INSL6: variants seen among roughly 807,000 people sequenced by gnomAD.
INSL6 encodes insulin like 6.
INSL6 carries 16 observed loss-of-function variants against 9.4 expected under a neutral mutation model. The ratio of observed to expected loss-of-function variants is 1.70; its 90% CI spans 1.15 to 2.59. The LOEUF (loss-of-function observed/expected upper bound fraction) is 2.59, where lower values mean the gene tolerates loss of function less well. INSL6 is among the 30% of genes most tolerant of loss of function. The pLI is 0.00. For synonymous variants in INSL6, 154 were observed against 96.9 expected (o/e 1.59, Z -3.46); for missense variants, 391 against 257.3 (o/e 1.52, Z -3.56).
At chr9:5,017,738 T>C in the INSL6 span, among the ~76,000 whole-genome samples, 1 of 152,250 alleles carries the variant, frequency 6.6e-6, no homozygotes, top group Non-Finnish European at 1.5e-5. Flanking sequence ...TAAAGTTGCA[T>C]ATCCAGTTGC....
downstream of INSL6, chr9:5,163,728 G>C: frequency 3.6e-6 from 2 of 555,838 alleles, no homozygotes; most frequent in East Asian, 3.0e-5. Flanking sequence ...TGAAAACTAA[G>C]GAAAACAACA....
chr9:5,162,461 T>C (rs1824947187), downstream of INSL6, among the ~76,000 whole-genome samples: 1 of 152,236 alleles, frequency 6.6e-6, no homozygotes, highest in African/African-American at 2.4e-5. Flanking sequence ...GTTGTGTGTA[T>C]ATAAGTAAGC....
At chr9:5,087,207 C>CAG in the INSL6 span, among the ~76,000 whole-genome samples, 1 of 152,102 alleles carries the variant, frequency 6.6e-6, no homozygotes, top group Admixed American at 6.6e-5. Flanking sequence ...TGACAGTTAC[C>CAG]CATGGCTGGG....
At chr9:5,019,698 C>G in the INSL6 span, among the ~76,000 whole-genome samples, 1 of 152,124 alleles carries the variant, frequency 6.6e-6, no homozygotes. Context: ...TAGGGTAGGA[C>G]TTTTTCCTGA....
the INSL6 span, among the ~76,000 whole-genome samples, chr9:5,105,452 A>G: frequency 2.6e-5 from 4 of 152,216 alleles, no homozygotes; most frequent in African/African-American, 4.8e-5. Flanking sequence ...ATGCTCATGG[A>G]TAGGAAGAAT....
chr9:5,140,324 T>C (rs893218253), intron 2 of INSL6, among the ~76,000 whole-genome samples: 1 of 152,086 alleles, frequency 6.6e-6, no homozygotes, highest in Non-Finnish European at 1.5e-5. Flanking sequence ...CCATCCCTAA[T>C]GTACCTAATC....
At chr9:5,096,945 T>G in the INSL6 span, 1 of 152,162 alleles carries the variant, frequency 6.6e-6, no homozygotes, top group South Asian at 2.1e-4. Context: ...TGATATGGCA[T>G]TTCCACGGAT....
chr9:5,182,463 T>C (rs1334392450), intron 1 of INSL6, among the ~76,000 whole-genome samples: 2 of 152,142 alleles, frequency 1.3e-5, no homozygotes, highest in Non-Finnish European at 2.9e-5. Context: ...AATTTACTTA[T>C]GTTAATTGTC....
At chr9:5,134,647 T>C (rs1044713933) in intron 2 of INSL6, among the ~76,000 whole-genome samples, 6 of 152,178 alleles carry the variant, frequency 3.9e-5, no homozygotes, top group South Asian at 2.1e-4. Flanking sequence ...CTGAGAGATT[T>C]TGTCACCATC....
intron 1 of INSL6, among the ~76,000 whole-genome samples, chr9:5,170,841 G>C (rs186816571): frequency 1.1e-4 from 17 of 152,208 alleles, no homozygotes. Context: ...AATTGAGGCA[G>C]TAATAAATAG....
At chr9:5,089,599 T>G in the INSL6 span, 6 of 492,630 alleles carry the variant, frequency 1.2e-5, no homozygotes, top group Non-Finnish European at 1.9e-5. Context: ...TAGAATTTTC[T>G]ATATAATTAT....
At chr9:5,172,735 C>A (rs745688782) in intron 1 of INSL6, among the ~76,000 whole-genome samples, 2 of 152,128 alleles carry the variant, frequency 1.3e-5, no homozygotes, top group African/African-American at 2.4e-5. Context: ...CGAGACCAGT[C>A]TGGCCAATGT....
chr9:5,042,808 G>A, the INSL6 span, among the ~76,000 whole-genome samples: 1 of 152,194 alleles, frequency 6.6e-6, no homozygotes, highest in African/African-American at 2.4e-5. Flanking sequence ...CGGAGGGGTG[G>A]GGCCGCGGCT....
At chr9:5,062,030 A>G in the INSL6 span, among the ~76,000 whole-genome samples, 2 of 152,154 alleles carry the variant, frequency 1.3e-5, no homozygotes, top group African/African-American at 2.4e-5. Flanking sequence ...TTATCACTTA[A>G]GTTCACCATC....
chr9:5,066,662 T>G, the INSL6 span: 13 of 1,415,166 alleles, frequency 9.2e-6, no homozygotes, highest in East Asian at 4.6e-5. Context: ...TCAAATTGCT[T>G]CTTCTTTACC....
chr9:5,069,174 C>T, the INSL6 span: 1 of 1,609,144 alleles, frequency 6.2e-7, no homozygotes, highest in East Asian at 2.2e-5. Flanking sequence ...ATATAATTTT[C>T]CAGTTTACTA....
chr9:5,145,103 G>C (rs1189531323), intron 2 of INSL6, among the ~76,000 whole-genome samples: 1 of 152,160 alleles, frequency 6.6e-6, no homozygotes. Context: ...GTTGGTACTG[G>C]TCTTTCCTTT....
chr9:5,084,425 C>T, the INSL6 span, among the ~76,000 whole-genome samples: 2 of 152,136 alleles, frequency 1.3e-5, no homozygotes, highest in Non-Finnish European at 1.5e-5. Flanking sequence ...AAATTAGCTA[C>T]TGTATCCCTT....
chr9:5,075,960 C>T, the INSL6 span, among the ~76,000 whole-genome samples: 76 of 152,192 alleles, frequency 5.0e-4, no homozygotes, highest in African/African-American at 1.8e-3. Context: ...GGAAAAAGTT[C>T]ATTCTAACCC....
Sources: gnomAD v4.1 joint callset for allele counts (sites outside exome capture counted in the v4.1 genomes callset) on GRCh38, gnomAD v4.1.1 for gene constraint, MANE v1.5 for transcripts, NCBI Gene and HGNC (gene_info 2026-07-23, HGNC 2026-07-21) for gene names.